The following OR6N1 variants were observed in gnomAD, a reference collection of about 807,000 sequenced individuals.
OR6N1 encodes olfactory receptor 6N1.
For synonymous variants in OR6N1, 170 were observed against 150.7 expected (o/e 1.13, Z -0.94); for missense variants, 394 against 371.7 (o/e 1.06, Z -0.49).
At chr1:158,808,832 C>T in the OR6N1 span, 1 of 152,306 alleles carries the variant, frequency 6.6e-6, no homozygotes, top group Non-Finnish European at 1.5e-5. Context: ...CTCTTTCAAG[C>T]AGAAGGGCAG....
At chr1:158,794,756 C>T in the OR6N1 span, among the ~76,000 whole-genome samples, 1 of 152,184 alleles carries the variant, frequency 6.6e-6, no homozygotes, top group Admixed American at 6.5e-5. Flanking sequence ...GCAGAAATTA[C>T]ACAGAAGTTT....
the OR6N1 span, among the ~76,000 whole-genome samples, chr1:158,778,123 T>A: frequency 6.6e-6 from 1 of 152,240 alleles, no homozygotes; most frequent in African/African-American, 2.4e-5. Flanking sequence ...ATGAGATTAA[T>A]GTAGTAGCAA....
the OR6N1 span, among the ~76,000 whole-genome samples, chr1:158,802,714 C>T: frequency 6.6e-6 from 1 of 152,156 alleles, no homozygotes; most frequent in African/African-American, 2.4e-5. Context: ...CTATCTTTAG[C>T]CATTGTTCCA....
chr1:158,829,879 C>T, the OR6N1 span, among the ~76,000 whole-genome samples: 1 of 152,178 alleles, frequency 6.6e-6, no homozygotes, highest in Admixed American at 6.5e-5. Context: ...TCACATCTTA[C>T]GTAGATGGCA....
At chr1:158,833,749 C>A in the OR6N1 span, among the ~76,000 whole-genome samples, 2 of 152,118 alleles carry the variant, frequency 1.3e-5, no homozygotes, top group African/African-American at 4.8e-5. Context: ...ATTCATTCAT[C>A]CATTGAAGGA....
At chr1:158,827,431 TC>T in the OR6N1 span, among the ~76,000 whole-genome samples, 2 of 152,200 alleles carry the variant, frequency 1.3e-5, no homozygotes, top group Non-Finnish European at 2.9e-5. Flanking sequence ...TAAATAATCA[TC>T]CATTTCCTGG....
intron 1 of OR6N1, among the ~76,000 whole-genome samples, chr1:158,770,627 T>C (rs1010076151): frequency 6.6e-6 from 1 of 152,152 alleles, no homozygotes; most frequent in Non-Finnish European, 1.5e-5. Context: ...AAATGTATTA[T>C]ATATTTCCAA....
chr1:158,764,961 CT>C lies in OR6N1; in HGVS notation c.*782del, dbSNP rs1657205186. 6.6e-6 allele frequency: 1 copy of C among 151,868 alleles called. No individual in the cohort carries two copies. Among genetic ancestry groups the C allele is most frequent in the South Asian group, 2.1e-4 (1 of 4,808 alleles). The allele number at this position is 151,868 out of a possible 1,614,324, so 9.4% of individuals were successfully genotyped here. ...AGTATTCCTTCTGGCTGGTTTGCTC[CT>C]TTCCTTTGGAGAAAATACTTGGAAA... On this transcript the variant is annotated 3_prime_UTR_variant, in exon 2 of 2. Transcript: ENST00000641846.
chr1:158,822,135 T>A, the OR6N1 span, among the ~76,000 whole-genome samples: 90,183 of 152,024 alleles, frequency 0.59, 27,362 homozygotes, highest in Non-Finnish European at 0.67. Context: ...AGTCAGGTAA[T>A]TTGATGCTTC....
the OR6N1 span, among the ~76,000 whole-genome samples, chr1:158,799,144 G>A: frequency 6.6e-6 from 1 of 152,102 alleles, no homozygotes; most frequent in Non-Finnish European, 1.5e-5. Context: ...TTTTTCTATT[G>A]CTAAAGTTTT....
At chr1:158,814,635 G>A in the OR6N1 span, among the ~76,000 whole-genome samples, 1 of 152,086 alleles carries the variant, frequency 6.6e-6, no homozygotes, top group South Asian at 2.1e-4. Flanking sequence ...AGGGGAGAGG[G>A]AACTCTCTAA....
At chr1:158,795,805 A>G in the OR6N1 span, among the ~76,000 whole-genome samples, 1 of 151,734 alleles carries the variant, frequency 6.6e-6, no homozygotes, top group Non-Finnish European at 1.5e-5. Flanking sequence ...TGCTCTGGAG[A>G]CTCAGTTTTC....
the OR6N1 span, among the ~76,000 whole-genome samples, chr1:158,802,473 T>C: frequency 6.6e-6 from 1 of 152,002 alleles, no homozygotes; most frequent in Non-Finnish European, 1.5e-5. Flanking sequence ...CTCCCCGTCA[T>C]AGCTTTTCAT....
the OR6N1 span, among the ~76,000 whole-genome samples, chr1:158,784,325 G>C: frequency 6.6e-6 from 1 of 152,108 alleles, no homozygotes. Context: ...TTATAGGGTA[G>C]AGTGCGATGT....
At chr1:158,810,687 AT>A in the OR6N1 span, among the ~76,000 whole-genome samples, 1 of 152,354 alleles carries the variant, frequency 6.6e-6, no homozygotes, top group Admixed American at 6.5e-5. Context: ...TTGTGTATAC[AT>A]GGAGAACAAC....
chr1:158,787,635 T>A, the OR6N1 span, among the ~76,000 whole-genome samples: 166 of 134,302 alleles, frequency 1.2e-3, no homozygotes, highest in East Asian at 2.6e-3. Flanking sequence ...TCTCTCTCTC[T>A]CACACACACA....
chr1:158,799,767 G>T, the OR6N1 span, among the ~76,000 whole-genome samples: 1 of 152,130 alleles, frequency 6.6e-6, no homozygotes, highest in Middle Eastern at 3.2e-3. Context: ...CTTACTTCTG[G>T]AAAGGAAAAT....
the OR6N1 span, among the ~76,000 whole-genome samples, chr1:158,799,860 A>G: frequency 1.3e-5 from 2 of 152,156 alleles, no homozygotes; most frequent in Non-Finnish European, 2.9e-5. Context: ...GTCTACAGAT[A>G]TGAGTTACTC....
Position 158,766,091 on chromosome 1 carries a change from C to G in OR6N1, c.592G>C (p.Val198Leu). 6 of 1,614,124 alleles carry G rather than the reference C, an allele frequency of 3.7e-6. No homozygotes were observed. The highest frequency in any genetic ancestry group is 5.1e-6 in the Non-Finnish European group (6 of 1,180,022). Residue 198 changes from valine to leucine, a missense_variant, in exon 2 of 2, where the codon GTA becomes CTA. Val to Leu is a conservative substitution (Grantham distance 32). Transcript: ENST00000641846. Reference sequence around the variant, plus strand: ...TTGCAGGAATTTATAACAAAATCTACTAGGACATTTATAGACGTATCAGTG... The same window carrying G: ...TTGCAGGAATTTATAACAAAATCTAGTAGGACATTTATAGACGTATCAGTG... The part of the protein sequence containing the change: ...ACTDTSINVL[V>L]DFVINSCKIL...
Sources: gnomAD v4.1 joint callset for allele counts (sites outside exome capture counted in the v4.1 genomes callset) on GRCh38, gnomAD v4.1.1 for gene constraint, MANE v1.5 for transcripts, NCBI Gene and HGNC (gene_info 2026-07-23, HGNC 2026-07-21) for gene names.